Variants in HDAC9 observed in about 807,000 individuals in gnomAD.
The protein encoded by HDAC9 is MEF-2 interacting transcription repressor (MITR) protein.
In HDAC9, 41 loss-of-function variants were observed where a neutral mutation model predicts 139.4. The ratio of observed to expected loss-of-function variants is 0.29; its 90% CI spans 0.23 to 0.38. HDAC9 has a LOEUF of 0.38. HDAC9 is among the 10% of genes least tolerant of loss of function. The pLI is 1.00. For synonymous variants in HDAC9, 517 were observed against 476.2 expected (o/e 1.09, Z -1.12); for missense variants, 1,147 against 1,297.0 (o/e 0.88, Z 1.78).
intron 21 of HDAC9, among the ~76,000 whole-genome samples, chr7:18,861,328 T>C (rs961685101): frequency 6.6e-6 from 1 of 152,192 alleles, no homozygotes; most frequent in African/African-American, 2.4e-5. Flanking sequence ...CTTTCTAGAC[T>C]AGATTTCAGT....
At chr7:18,733,061 ATACGTATATACACATG>A (rs1482125114) in intron 13 of HDAC9, among the ~76,000 whole-genome samples, 1 of 145,912 alleles carries the variant, frequency 6.9e-6, no homozygotes, top group Non-Finnish European at 1.5e-5. Flanking sequence ...ACATGTGTAT[ATACGTATATACACATG>A]TATACACATA....
intron 12 of HDAC9, among the ~76,000 whole-genome samples, chr7:18,685,713 A>AG (rs997147571): frequency 2.3e-4 from 35 of 152,052 alleles, no homozygotes; most frequent in African/African-American, 8.2e-4. Flanking sequence ...TTTCCTCCTA[A>AG]GGGGGGTGGG....
chr7:18,897,479 T>C (rs572309602), intron 22 of HDAC9, among the ~76,000 whole-genome samples: 3 of 151,990 alleles, frequency 2.0e-5, no homozygotes, highest in Non-Finnish European at 4.4e-5. Context: ...TACAATTTAC[T>C]AAAAATTGTT....
chr7:18,925,073 TTTTAACTACTGTA>T (rs1458237175), intron 22 of HDAC9, among the ~76,000 whole-genome samples: 6 of 152,194 alleles, frequency 3.9e-5, no homozygotes, highest in African/African-American at 1.4e-4. Flanking sequence ...AGTGGATCAG[TTTTAACTACTGTA>T]AGTTGTAGCT....
intron 1 of HDAC9, among the ~76,000 whole-genome samples, chr7:18,131,715 G>A (rs1051019569): frequency 3.5e-4 from 53 of 152,156 alleles, no homozygotes; most frequent in Non-Finnish European, 2.2e-4. Context: ...ACGAACAAGA[G>A]AGGAGGGTGA....
At chr7:18,550,635 G>A (rs1228623898) in intron 2 of HDAC9, among the ~76,000 whole-genome samples, 1 of 152,190 alleles carries the variant, frequency 6.6e-6, no homozygotes, top group Admixed American at 6.5e-5. Flanking sequence ...AGGGTAAGGT[G>A]TGAGAAACTG....
chr7:18,643,656 C>T (rs965629222), intron 8 of HDAC9, among the ~76,000 whole-genome samples: 1 of 152,068 alleles, frequency 6.6e-6, no homozygotes, highest in African/African-American at 2.4e-5. Context: ...AGGGGAAAAT[C>T]TACAGCTCCC....
intron 13 of HDAC9, among the ~76,000 whole-genome samples, chr7:18,746,579 A>G (rs986261493): frequency 1.3e-5 from 2 of 152,258 alleles, no homozygotes; most frequent in Non-Finnish European, 2.9e-5. Flanking sequence ...AAGGTAGAAG[A>G]TTAAACAAGT....
intron 3 of HDAC9, among the ~76,000 whole-genome samples, chr7:18,588,896 A>G (rs1218516688): frequency 1.3e-5 from 2 of 152,138 alleles, no homozygotes; most frequent in Non-Finnish European, 2.9e-5. Context: ...TGCTCAAACT[A>G]TTTCAGATGC....
At chr7:18,549,985 G>T (rs572149871) in intron 2 of HDAC9, among the ~76,000 whole-genome samples, 3 of 145,752 alleles carry the variant, frequency 2.1e-5, no homozygotes, top group Non-Finnish European at 3.0e-5. Context: ...TACTTTTCTT[G>T]CTTAGGAATG....
intron 1 of HDAC9, among the ~76,000 whole-genome samples, chr7:18,125,690 A>G (rs1784622321): frequency 6.6e-6 from 1 of 152,074 alleles, no homozygotes; most frequent in Non-Finnish European, 1.5e-5. Context: ...TTTGTGGGCC[A>G]TATGGTCTGT....
chr7:18,139,121 C>CT (rs552350047), intron 1 of HDAC9, among the ~76,000 whole-genome samples: 2,525 of 105,894 alleles, frequency 0.024, 95 homozygotes, highest in Non-Finnish European at 0.033. Context: ...ATAATCTGGA[C>CT]TTTTTTTTTT....
intron 22 of HDAC9, among the ~76,000 whole-genome samples, chr7:18,902,201 C>T (rs1801787929): frequency 6.6e-6 from 1 of 152,204 alleles, no homozygotes; most frequent in Non-Finnish European, 1.5e-5. Flanking sequence ...TGCACTAATG[C>T]TGCTTTCTCT....
chr7:18,805,599 G>A (rs962614543), intron 17 of HDAC9, among the ~76,000 whole-genome samples: 1 of 152,202 alleles, frequency 6.6e-6, no homozygotes, highest in African/African-American at 2.4e-5. Context: ...CAAGGGAAAA[G>A]CCACCAGTAG....
chr7:18,619,046 T>C (rs897425036), intron 6 of HDAC9, among the ~76,000 whole-genome samples: 1 of 152,116 alleles, frequency 6.6e-6, no homozygotes, highest in Admixed American at 6.6e-5. Flanking sequence ...TGATGCTAGA[T>C]AGATTTTTAA....
At chr7:18,222,751 G>A (rs917388877) in intron 2 of HDAC9, among the ~76,000 whole-genome samples, 2 of 151,932 alleles carry the variant, frequency 1.3e-5, no homozygotes, top group African/African-American at 4.8e-5. Context: ...AATTGTTGTT[G>A]ATCTATTTCC....
chr7:18,794,401 T>G (rs2129180016), intron 17 of HDAC9, among the ~76,000 whole-genome samples: 1 of 152,316 alleles, frequency 6.6e-6, no homozygotes, highest in African/African-American at 2.4e-5. Context: ...CAGTTGTGAT[T>G]AAAAATGTGG....
chr7:18,394,600 G>A (rs1348793615), intron 1 of HDAC9, among the ~76,000 whole-genome samples: 1 of 151,996 alleles, frequency 6.6e-6, no homozygotes, highest in Non-Finnish European at 1.5e-5. Context: ...TGTTATGTGT[G>A]GTTTTGTGTG....
rs190192158 is a variant in HDAC9 at position 18,478,173 on chromosome 7, G to A, written c.-41-18089G>A. Among the ~76,000 whole-genome samples, 469 of 152,004 alleles carry A rather than the reference G, an allele frequency of 3.1e-3. 5 individuals carry two copies. Among genetic ancestry groups the A allele is most frequent in the African/African-American group, 0.011 (440 of 41,460 alleles). ...TGCAAGCTCCGCCTCCCGGGTTCAC[G>A]CCGTTTTCCTGCCTCAGCCTCCCGA... On this transcript the variant is annotated intron_variant, in intron 1 of 3. Coordinates refer to the HDAC9 transcript ENST00000413509.
Sources: gnomAD v4.1 joint callset for allele counts (sites outside exome capture counted in the v4.1 genomes callset) on GRCh38, gnomAD v4.1.1 for gene constraint, MANE v1.5 for transcripts, NCBI Gene and HGNC (gene_info 2026-07-23, HGNC 2026-07-21) for gene names.